GTF2A2: variants seen among roughly 807,000 people sequenced by gnomAD.
GTF2A2 encodes the protein transcription initiation factor IIA subunit 2.
Under a neutral mutation model 14.3 loss-of-function variants are expected in GTF2A2, and 9 were observed. That is an observed-to-expected ratio of 0.63 (90% CI 0.38 to 1.10). The LOEUF (loss-of-function observed/expected upper bound fraction) is 1.10, where lower values mean the gene tolerates loss of function less well. Among genes scored for constraint, GTF2A2 ranks in the 50% least tolerant of loss-of-function variants. GTF2A2 has a pLI of 0.01. For synonymous variants in GTF2A2, 56 were observed against 46.0 expected (o/e 1.22, Z -0.88); for missense variants, 90 against 124.6 (o/e 0.72, Z 1.32).
chr15:59,650,345 C>T (rs1279601675), intron 3 of GTF2A2, among the ~76,000 whole-genome samples: 13 of 152,162 alleles, frequency 8.5e-5, no homozygotes, highest in South Asian at 2.1e-4. Context: ...GGGATTACTC[C>T]GCCACTTACC....
At position 59,652,327 on chromosome 15, in the gene GTF2A2, C is replaced by G. The variant is rs754900302; in HGVS notation, c.-49-1G>C. On this transcript the variant is annotated splice_acceptor_variant, in intron 1 of 4. Transcript: ENST00000396060. LOFTEE classifies it low-confidence loss of function (5UTR_SPLICE). ...TCTTATTCAAGCTTGCATTGATGTC[C>G]TAAAAATTTAATATAAAATTGTTAA... 1 of 965,800 alleles carries G rather than the reference C, an allele frequency of 1.0e-6. No homozygotes were observed. Among genetic ancestry groups the G allele is most frequent in the East Asian group, 2.4e-5 (1 of 41,356 alleles). The allele number at this position is 965,800 out of a possible 1,614,324, so 59.8% of individuals were successfully genotyped here. A position where few individuals can be genotyped will look rare whatever the true frequency, so the allele number is the denominator to read the frequency against.
chr15:59,647,405 C>G (rs139167243), intron 3 of GTF2A2, among the ~76,000 whole-genome samples: 14 of 151,964 alleles, frequency 9.2e-5, no homozygotes, highest in African/African-American at 3.4e-4. Flanking sequence ...GATAATTATA[C>G]TTTTCAAAGT....
chr15:59,654,390 C>T (rs1457817583), intron 1 of GTF2A2, among the ~76,000 whole-genome samples: 1 of 152,152 alleles, frequency 6.6e-6, no homozygotes, highest in African/African-American at 2.4e-5. Flanking sequence ...GCATAGTTCA[C>T]TCTCTCATTT....
chr15:59,640,929 A>ATGAT (rs1482989386), intron 4 of GTF2A2, among the ~76,000 whole-genome samples: 4 of 136,346 alleles, frequency 2.9e-5, no homozygotes, highest in African/African-American at 5.0e-5. Context: ...AGTTCTTAGA[A>ATGAT]TGATTATTCC....
chr15:59,641,529 G>A (rs1236669669), intron 4 of GTF2A2, among the ~76,000 whole-genome samples: 1 of 151,964 alleles, frequency 6.6e-6, no homozygotes, highest in Non-Finnish European at 1.5e-5. Flanking sequence ...TAACACAAAT[G>A]GTTCAGATTA....
intron 3 of GTF2A2, among the ~76,000 whole-genome samples, chr15:59,648,768 A>C (rs1178795337): frequency 6.6e-6 from 1 of 152,064 alleles, no homozygotes; most frequent in African/African-American, 2.4e-5. Flanking sequence ...CCCCCTCTCT[A>C]CTAAAAATAC....
At chr15:59,644,331 A>C (rs576883241) in intron 3 of GTF2A2, 1 of 152,380 alleles carries the variant, frequency 6.6e-6, no homozygotes, top group East Asian at 1.9e-4. Flanking sequence ...TAAAATCTTC[A>C]ACTCAGAAAC....
At chr15:59,653,594 C>G (rs1891858003) in intron 1 of GTF2A2, among the ~76,000 whole-genome samples, 1 of 140,722 alleles carries the variant, frequency 7.1e-6, no homozygotes, top group South Asian at 2.4e-4. Context: ...CTTGGGTCCT[C>G]TATTTTCCAC....
At position 59,641,385 on chromosome 15, in the gene GTF2A2, A is replaced by AAT. The variant is rs564488921; in HGVS notation, c.304+749_304+750dup. Among the ~76,000 whole-genome samples, 12 of 152,226 alleles carry AAT rather than the reference A, an allele frequency of 7.9e-5. No homozygotes were observed. The South Asian group carries it at 2.1e-3, about 26-fold the overall frequency. ...ATTAGCTATTTCTTTGGAAATGCAA[A>AAT]ATATATAAAACAAATCCGACTCAAA... On this transcript the variant is annotated intron_variant, in intron 4 of 4. Transcript: ENST00000396060.
Position 59,655,216 on chromosome 15 carries a change from A to G in GTF2A2, c.-50+2190T>C, listed in dbSNP as rs545888519. Among the ~76,000 whole-genome samples, 5 of 152,340 alleles carry G rather than the reference A, an allele frequency of 3.3e-5. No individual in the cohort carries two copies. The East Asian group carries it at 9.6e-4, about 29-fold the overall frequency. ...GGCTACTTCTCCCACCTTAAAAAGTAAAACAAAACAAAAACCCCTCAACCC... is the reference window on the plus strand; with the variant it reads ...GGCTACTTCTCCCACCTTAAAAAGTGAAACAAAACAAAAACCCCTCAACCC... On this transcript the variant is annotated intron_variant, in intron 1 of 4. Coordinates refer to ENST00000396060, the MANE Select transcript of GTF2A2 (RefSeq NM_004492.3).
At chr15:59,653,226 T>G (rs1891846077) in intron 1 of GTF2A2, among the ~76,000 whole-genome samples, 1 of 152,000 alleles carries the variant, frequency 6.6e-6, no homozygotes, top group Non-Finnish European at 1.5e-5. Context: ...GGATGGGGGC[T>G]CGAAAAGGGT....
At chr15:59,649,839 CACTCAA>C (rs1166269011) in intron 3 of GTF2A2, among the ~76,000 whole-genome samples, 1 of 152,104 alleles carries the variant, frequency 6.6e-6, no homozygotes, top group Admixed American at 6.5e-5. Context: ...TGTTAACAGA[CACTCAA>C]ATTGTTTACT....
intron 3 of GTF2A2, among the ~76,000 whole-genome samples, chr15:59,645,256 G>C (rs138379450): frequency 4.0e-4 from 61 of 152,304 alleles, no homozygotes; most frequent in African/African-American, 1.4e-3. Flanking sequence ...TAAGTAATTG[G>C]AGTATAGGAG....
chr15:59,639,010 C>G lies in GTF2A2; in HGVS notation c.*122G>C. ...TTACAAGTTTCTTTCTACTGGAATT[C>G]TCTGGTATAGCACAGTGTAGTCATT... On this transcript the variant is annotated 3_prime_UTR_variant, in exon 5 of 5. Coordinates refer to ENST00000396060, the MANE Select transcript of GTF2A2 (RefSeq NM_004492.3). The G allele has an allele frequency of 1.5e-6, 1 of 667,880 alleles. No homozygotes were observed. The highest frequency in any genetic ancestry group is 2.7e-6 in the Non-Finnish European group (1 of 367,032). The allele number at this position is 667,880 out of a possible 1,614,324, so 41.4% of individuals were successfully genotyped here.
At chr15:59,642,029 C>T in intron 4 of GTF2A2, 107 bp downstream of exon 4, 4 of 901,720 alleles carry the variant, frequency 4.4e-6, no homozygotes, top group Non-Finnish European at 6.7e-6. Context: ...GGGAATTGAT[C>T]ATAGGGCCAT....
chr15:59,642,311 C>T (rs763824338), intron 3 of GTF2A2, 49 bp from the exon 4 acceptor site: 15 of 1,515,486 alleles, frequency 9.9e-6, no homozygotes, highest in Admixed American at 2.0e-5. Flanking sequence ...TTTCCCCTCA[C>T]ATTTTTCTCC....
rs777279813 is a variant in GTF2A2, at chr15:59,638,867, CAG to C, written c.*263_*264del. The C allele has an allele frequency of 8.1e-6, 3 of 371,978 alleles. No homozygotes were observed. The highest frequency in any genetic ancestry group is 1.5e-5 in the Non-Finnish European group (3 of 204,836). 23.0% of individuals were successfully genotyped at this position (371,978 alleles called of 1,614,324 possible). ...CTTAATAGCTTCACCAGTTATTACT[CAG>C]AGTTTTAAAATGAGTTTATTAAAGA... On this transcript the variant is annotated 3_prime_UTR_variant, in exon 5 of 5. Coordinates refer to ENST00000396060, the MANE Select transcript of GTF2A2 (RefSeq NM_004492.3).
chr15:59,647,857 AC>A (rs1343512357), intron 3 of GTF2A2, among the ~76,000 whole-genome samples: 1 of 152,196 alleles, frequency 6.6e-6, no homozygotes, highest in Admixed American at 6.5e-5. Context: ...GGCATGAGCC[AC>A]TGTACCCAGC....
Position 59,638,301 on chromosome 15 carries a change from C to T in GTF2A2, c.*831G>A, listed in dbSNP as rs1001532401. On this transcript the variant is annotated 3_prime_UTR_variant, in exon 5 of 5. Coordinates refer to ENST00000396060, the MANE Select transcript of GTF2A2 (RefSeq NM_004492.3). ...GAGGTAACAGCAAAAATCTTTTACT[C>T]CAATTGGGTCAATCCAGTTAACCAT... The T allele has an allele frequency of 1.3e-5, 2 of 152,134 alleles. No homozygotes were observed. Among genetic ancestry groups the T allele is most frequent in the Non-Finnish European group, 2.9e-5 (2 of 68,032 alleles). 9.4% of individuals were successfully genotyped at this position (152,134 alleles called of 1,614,324 possible).
Sources: gnomAD v4.1 joint callset for allele counts (sites outside exome capture counted in the v4.1 genomes callset) on GRCh38, gnomAD v4.1.1 for gene constraint, MANE v1.5 for transcripts, NCBI Gene and HGNC (gene_info 2026-07-23, HGNC 2026-07-21) for gene names.